KCNK9: variants seen among roughly 807,000 people sequenced by gnomAD.
KCNK9 encodes the protein potassium channel subfamily K member 9.
In KCNK9, 1 loss-of-function variant was observed where a neutral mutation model predicts 10.8. The ratio of observed to expected loss-of-function variants is 0.09; its 90% CI spans 0.03 to 0.44. The LOEUF is 0.44. KCNK9 is among the 20% of genes least tolerant of loss of function. KCNK9 has a pLI of 0.97. For synonymous variants in KCNK9, 231 were observed against 222.7 expected (o/e 1.04, Z -0.33); for missense variants, 303 against 515.0 (o/e 0.59, Z 3.98).
At chr8:139,650,779 G>A (rs756799128) in intron 1 of KCNK9, among the ~76,000 whole-genome samples, 1 of 152,072 alleles carries the variant, frequency 6.6e-6, no homozygotes, top group Non-Finnish European at 1.5e-5. Flanking sequence ...GCCCAGTGGG[G>A]AAGGCAGCAT....
At chr8:139,660,452 AT>A (rs1563740030) in intron 1 of KCNK9, among the ~76,000 whole-genome samples, 82 of 97,610 alleles carry the variant, frequency 8.4e-4, no homozygotes, top group African/African-American at 5.8e-3. Context: ...AAAAAAAAAT[AT>A]ATATATATAT....
At chr8:139,606,754 C>T (rs764507700) in intron 2 of KCNK9, among the ~76,000 whole-genome samples, 4 of 152,244 alleles carry the variant, frequency 2.6e-5, no homozygotes, top group Non-Finnish European at 5.9e-5. Context: ...TATCTCTGTC[C>T]CGTGTCTCTG....
chr8:139,693,063 G>C lies in KCNK9; in HGVS notation c.283+9647C>G, dbSNP rs1309638833. 6.6e-6 allele frequency among the ~76,000 whole-genome samples: 1 copy of C among 152,064 alleles called. No homozygotes were observed. The highest frequency in any genetic ancestry group is 1.5e-5 in the Non-Finnish European group (1 of 68,006). ...TTTTCACCCCAGCCCCACCTGACAA[G>C]CTCATCCCAGATGTATGCCCACCTT... On this transcript the variant is annotated intron_variant, in intron 1 of 1. Coordinates refer to ENST00000520439, the MANE Select transcript of KCNK9 (RefSeq NM_001282534.2). This position sits in a 1 kb window ranked among gnomAD's most constrained non-coding sequence, Gnocchi z 4.1.
chr8:139,612,552 T>A (rs1175207364), downstream of KCNK9: 1 of 878 alleles, frequency 1.1e-3, no homozygotes, highest in African/African-American at 4.2e-3. Context: ...GGGGAATGAG[T>A]AGAGCATTCG....
chr8:139,608,365 G>A (rs1814303836), downstream of KCNK9, among the ~76,000 whole-genome samples: 1 of 152,218 alleles, frequency 6.6e-6, no homozygotes, highest in African/African-American at 2.4e-5. Flanking sequence ...CTGCAGAACA[G>A]GGGTTTCCAC....
rs533852464 is a variant in KCNK9 at position 139,674,267 on chromosome 8, C to T, written c.283+28443G>A. ...GGAAGGCGATGACCTCTCCTCTTTC[C>T]GCTGTCTGCCATGCGAGGATACAGC... On this transcript the variant is annotated intron_variant, in intron 1 of 1. Transcript: ENST00000520439. Among the ~76,000 whole-genome samples the T allele has an allele frequency of 9.2e-4, 140 of 152,308 alleles. 2 individuals are homozygous for T. Among genetic ancestry groups the T allele is most frequent in the African/African-American group, 3.2e-3 (131 of 41,564 alleles).
intron 1 of KCNK9, among the ~76,000 whole-genome samples, chr8:139,656,926 C>T (rs1196211726): frequency 1.3e-5 from 2 of 152,182 alleles, no homozygotes; most frequent in African/African-American, 4.8e-5. Flanking sequence ...GGGGCTCTCC[C>T]TTGCAGGCTC....
At chr8:139,684,925 A>C (rs763636877) in intron 1 of KCNK9, among the ~76,000 whole-genome samples, 5 of 152,246 alleles carry the variant, frequency 3.3e-5, no homozygotes, top group Non-Finnish European at 5.9e-5. Context: ...TAGACAGAGC[A>C]CATGATCCAT....
In KCNK9 at chr8:139,693,316, G is replaced by A. The variant is rs1816974644; in HGVS notation, c.283+9394C>T. On this transcript the variant is annotated intron_variant, in intron 1 of 1. Coordinates refer to ENST00000520439, the MANE Select transcript of KCNK9 (RefSeq NM_001282534.2). The surrounding 1 kb of genome is among the most constrained non-coding windows in gnomAD (Gnocchi z 4.1). ...AAGATCACACATCTAAGCCTCAGGA[G>A]TGAGAAGCTCCCCACTCAGCAGGAC... Among the ~76,000 whole-genome samples, 1 of 152,190 alleles carries A rather than the reference G, an allele frequency of 6.6e-6. No individual in the cohort carries two copies. The highest frequency in any genetic ancestry group is 1.5e-5 in the Non-Finnish European group (1 of 68,046).
At chr8:139,614,599 C>G (rs1814523771), downstream of KCNK9, among the ~76,000 whole-genome samples, 1 of 152,228 alleles carries the variant, frequency 6.6e-6, no homozygotes, top group African/African-American at 2.4e-5. Flanking sequence ...AAGAACAGAT[C>G]TGATACTAGC....
intron 1 of KCNK9, among the ~76,000 whole-genome samples, chr8:139,657,586 G>C (rs1816052554): frequency 1.3e-5 from 2 of 152,178 alleles, no homozygotes; most frequent in Admixed American, 6.5e-5. Flanking sequence ...CAGAGCCAGA[G>C]AGCAATAGCG....
At chr8:139,616,744 T>A (rs1485403974), downstream of KCNK9, 2 of 152,220 alleles carry the variant, frequency 1.3e-5, no homozygotes, top group Non-Finnish European at 1.5e-5. Context: ...GAACTTCATT[T>A]ACAAAAGAGG....
intron 1 of KCNK9, among the ~76,000 whole-genome samples, chr8:139,630,698 G>A (rs1438098895): frequency 2.0e-5 from 3 of 152,192 alleles, no homozygotes; most frequent in South Asian, 2.1e-4. Flanking sequence ...AGACAGGTGC[G>A]TAGAAGGCCT....
At chr8:139,660,449 A>AATATATATAT (rs35118138) in intron 1 of KCNK9, among the ~76,000 whole-genome samples, 1 of 131,192 alleles carries the variant, frequency 7.6e-6, no homozygotes, top group Non-Finnish European at 1.5e-5. Context: ...GCTAAAAAAA[A>AATATATATAT]ATATATATAT....
intron 1 of KCNK9, among the ~76,000 whole-genome samples, chr8:139,652,577 C>T (rs1815900325): frequency 6.6e-6 from 1 of 152,196 alleles, no homozygotes; most frequent in African/African-American, 2.4e-5. Context: ...GCCAGCCTGC[C>T]CTGGCGCTCC....
rs755256388 is a variant in KCNK9, at chr8:139,659,375, C to G, written c.284-40276G>C. ...GCTGAGTTTCCCCTCTTGTCTTTGT[C>G]CTTTGCCTCAGACACATTGATTAAA... is the stretch of plus-strand genomic sequence containing the variant. On this transcript the variant is annotated intron_variant, in intron 1 of 1. Coordinates refer to ENST00000520439, the MANE Select transcript of KCNK9 (RefSeq NM_001282534.2). 2.8e-4 allele frequency among the ~76,000 whole-genome samples: 43 copies of G among 152,342 alleles called. 1 individual carries two copies. Among genetic ancestry groups the G allele is most frequent in the Non-Finnish European group, 1.0e-4 (7 of 68,042 alleles).
At chr8:139,625,148 C>T (rs1814928566) in intron 1 of KCNK9, among the ~76,000 whole-genome samples, 1 of 147,486 alleles carries the variant, frequency 6.8e-6, no homozygotes, top group South Asian at 2.1e-4. Context: ...TGGCGTGCAG[C>T]CCTTGGGGGT....
intron 1 of KCNK9, among the ~76,000 whole-genome samples, chr8:139,690,225 T>C (rs1816909773): frequency 1.3e-5 from 2 of 152,364 alleles, no homozygotes; most frequent in African/African-American, 4.8e-5. Flanking sequence ...ATTAGCTACA[T>C]GACCCTGGGC....
At chr8:139,691,966 AG>A (rs1239226090) in intron 1 of KCNK9, among the ~76,000 whole-genome samples, 1 of 152,228 alleles carries the variant, frequency 6.6e-6, no homozygotes, top group Non-Finnish European at 1.5e-5. Context: ...TCATCCAGGA[AG>A]GTTCTTTAGA....
Sources: gnomAD v4.1 joint callset for allele counts (sites outside exome capture counted in the v4.1 genomes callset) on GRCh38, gnomAD v4.1.1 for gene constraint, Gnocchi (gnomAD v3.1) non-coding constraint, MANE v1.5 for transcripts, NCBI Gene and HGNC (gene_info 2026-07-23, HGNC 2026-07-21) for gene names.